FABP6: variants seen among roughly 807,000 people sequenced by gnomAD.
The protein encoded by FABP6 is fatty acid binding protein 6, also known as gastrotropin.
In FABP6, 13 loss-of-function variants were observed where a neutral mutation model predicts 14.9. That is an observed-to-expected ratio of 0.87 (90% confidence interval 0.57 to 1.39). The LOEUF (loss-of-function observed/expected upper bound fraction) is 1.39, where lower values mean the gene tolerates loss of function less well. Among genes scored for constraint, FABP6 ranks in the 40% most tolerant of loss-of-function variants. The probability of loss-of-function intolerance (pLI) is 0.00; values close to 1 mark genes in which losing one functional copy is unlikely to be tolerated. For missense variants in FABP6, 161 were observed against 167.2 expected (o/e 0.96, Z 0.20); for synonymous variants, 75 against 63.6 (o/e 1.18, Z -0.85).
intron 2 of FABP6, among the ~76,000 whole-genome samples, chr5:160,207,578 C>T (rs1759794009): frequency 6.6e-6 from 1 of 152,090 alleles, no homozygotes; most frequent in Non-Finnish European, 1.5e-5. Context: ...ATTTCCAAAA[C>T]AGTACATATG....
chr5:160,208,297 G>A (rs1332673321), intron 2 of FABP6, among the ~76,000 whole-genome samples: 2 of 152,076 alleles, frequency 1.3e-5, no homozygotes, highest in East Asian at 3.9e-4. Context: ...AATTAGTCAG[G>A]TGAGGTGGTG....
intron 3 of FABP6, chr5:160,213,829 A>G (rs776996630): frequency 2.5e-6 from 4 of 1,609,048 alleles, no homozygotes; most frequent in Non-Finnish European, 2.6e-6. Flanking sequence ...GGTATGGGGT[A>G]GAAGAAGGGA....
intron 2 of FABP6, among the ~76,000 whole-genome samples, chr5:160,206,795 C>G (rs555056042): frequency 6.6e-6 from 1 of 152,176 alleles, no homozygotes; most frequent in African/African-American, 2.4e-5. Context: ...CAGACCAGAA[C>G]ACCACTGAGG....
intron 3 of FABP6, among the ~76,000 whole-genome samples, chr5:160,216,090 G>A (rs1760006799): frequency 2.0e-5 from 3 of 152,176 alleles, no homozygotes; most frequent in Admixed American, 1.3e-4. Context: ...AGCAGATGAG[G>A]CTGAGTAGGG....
upstream of FABP6, among the ~76,000 whole-genome samples, chr5:160,229,236 T>G (rs901247384): frequency 2.0e-5 from 3 of 151,944 alleles, no homozygotes; most frequent in African/African-American, 7.3e-5. Context: ...AGAGCATGGG[T>G]TGAGGGCAGG....
At chr5:160,228,934 G>A (rs764119202), upstream of FABP6, among the ~76,000 whole-genome samples, 6 of 152,024 alleles carry the variant, frequency 3.9e-5, no homozygotes, top group Admixed American at 6.6e-5. Context: ...CCTCCAAGAC[G>A]GGTGCCAAAT....
chr5:160,224,317 G>A (rs753538737), intron 3 of FABP6, among the ~76,000 whole-genome samples: 1 of 152,110 alleles, frequency 6.6e-6, no homozygotes, highest in Non-Finnish European at 1.5e-5. Context: ...CTAGCTACTC[G>A]TGAGCCTGAG....
rs180976056 is a variant in FABP6 at position 160,237,297 on chromosome 5, A to G, written c.334-1309A>G. Among the ~76,000 whole-genome samples, 64 of 152,268 alleles carry G rather than the reference A, an allele frequency of 4.2e-4. 1 individual carries two copies. The East Asian group carries it at 0.011, about 27-fold the overall frequency. On this transcript the variant is annotated intron_variant, in intron 3 of 3. Coordinates refer to ENST00000402432, the MANE Select transcript of FABP6 (RefSeq NM_001445.3). ...AATTCCCAGAGATTCCTCATCATGG[A>G]GCCCATGTGGTGTGGGCAGTGACCA...
At chr5:160,219,564 G>T (rs1444246815) in intron 3 of FABP6, among the ~76,000 whole-genome samples, 1 of 152,106 alleles carries the variant, frequency 6.6e-6, no homozygotes. Context: ...TGTACACTTA[G>T]ACTCTAGGGA....
At chr5:160,204,541 G>A (rs995609776) in intron 2 of FABP6, among the ~76,000 whole-genome samples, 2 of 152,024 alleles carry the variant, frequency 1.3e-5, no homozygotes, top group African/African-American at 2.4e-5. Context: ...CCGGGCTGGA[G>A]TGCAGTGGCG....
intron 2 of FABP6, among the ~76,000 whole-genome samples, chr5:160,203,056 C>T (rs773019782): frequency 1.1e-4 from 17 of 151,846 alleles, no homozygotes; most frequent in East Asian, 2.0e-4. Flanking sequence ...CATGCACCAC[C>T]GTATCCGGCT....
chr5:160,194,218 C>G (rs1159757899), intron 1 of FABP6, among the ~76,000 whole-genome samples: 1 of 152,252 alleles, frequency 6.6e-6, no homozygotes, highest in Non-Finnish European at 1.5e-5. Context: ...CCACGCCCAC[C>G]GGCAACTCCA....
chr5:160,212,651 A>T (rs982634222), intron 2 of FABP6, among the ~76,000 whole-genome samples: 2 of 151,774 alleles, frequency 1.3e-5, no homozygotes, highest in African/African-American at 4.8e-5. Context: ...TTGTATTTTT[A>T]GTAGAGACAG....
upstream of FABP6, among the ~76,000 whole-genome samples, chr5:160,227,502 G>A (rs563618634): frequency 2.1e-4 from 30 of 140,718 alleles, no homozygotes; most frequent in African/African-American, 5.5e-4. Context: ...CTTTGGCCTC[G>A]GCAACGGAGG....
At chr5:160,214,771 T>G (rs549191542) in intron 3 of FABP6, among the ~76,000 whole-genome samples, 2 of 150,364 alleles carry the variant, frequency 1.3e-5, no homozygotes, top group African/African-American at 4.9e-5. Flanking sequence ...ATGGGCAACA[T>G]AGGGAGACCC....
intron 2 of FABP6, among the ~76,000 whole-genome samples, chr5:160,200,689 C>T (rs1213696561): frequency 1.3e-5 from 2 of 152,216 alleles, no homozygotes; most frequent in Non-Finnish European, 2.9e-5. Context: ...GCTGGGGTTA[C>T]AGGCGTGAGC....
chr5:160,204,206 T>C (rs1177568586), intron 2 of FABP6, among the ~76,000 whole-genome samples: 1 of 151,682 alleles, frequency 6.6e-6, no homozygotes, highest in African/African-American at 2.4e-5. Flanking sequence ...TCCTGTAGTC[T>C]TAGCTACTTG....
chr5:160,213,601 C>T, intron 2 of FABP6: 1 of 735,932 alleles, frequency 1.4e-6, no homozygotes, highest in Non-Finnish European at 2.4e-6. Flanking sequence ...TTCTTTTTTG[C>T]TCAAATCAGT....
chr5:160,220,790 A>T (rs1287187760), intron 3 of FABP6, among the ~76,000 whole-genome samples: 1 of 151,898 alleles, frequency 6.6e-6, no homozygotes, highest in Non-Finnish European at 1.5e-5. Flanking sequence ...TGTGTCTCCT[A>T]CAAGATTTGA....
Sources: allele counts gnomAD v4.1 joint callset (sites outside exome capture counted in the v4.1 genomes callset), GRCh38; gene constraint gnomAD v4.1.1; transcripts MANE v1.5; gene names NCBI Gene and HGNC (gene_info 2026-07-23, HGNC 2026-07-21).